DLGAP2: variants seen among roughly 807,000 people sequenced by gnomAD.
DLGAP2 encodes DLG associated protein 2.
A neutral mutation model predicts 100.3 loss-of-function variants in DLGAP2; 26 were observed. The observed-to-expected ratio is 0.26, with a 90% CI of 0.19 to 0.36. The LOEUF (loss-of-function observed/expected upper bound fraction) is 0.36, where lower values mean the gene tolerates loss of function less well. Among genes scored for constraint, DLGAP2 ranks in the 10% least tolerant of loss-of-function variants. DLGAP2 has a pLI of 1.00. For missense variants in DLGAP2, 1,858 were observed against 1,453.2 expected (o/e 1.28, Z -4.53); for synonymous variants, 886 against 630.1 (o/e 1.41, Z -6.08).
At chr8:1,606,611 A>C (rs1796808575) in intron 6 of DLGAP2, among the ~76,000 whole-genome samples, 1 of 152,222 alleles carries the variant, frequency 6.6e-6, no homozygotes, top group African/African-American at 2.4e-5. Context: ...CAGTTTATTT[A>C]CCCATCCATC....
chr8:1,019,555 C>T (rs1484581165), intron 2 of DLGAP2: 1 of 151,990 alleles, frequency 6.6e-6, no homozygotes, highest in African/African-American at 2.4e-5. Flanking sequence ...CTGTCGTCAT[C>T]TGGTGGTGGA....
chr8:962,991 G>T (rs955399262), intron 2 of DLGAP2, among the ~76,000 whole-genome samples: 1 of 152,218 alleles, frequency 6.6e-6, no homozygotes, highest in African/African-American at 2.4e-5. Flanking sequence ...GATGGGAAAA[G>T]TGTGGGAATG....
intron 3 of DLGAP2, among the ~76,000 whole-genome samples, chr8:1,376,343 C>G (rs1802387290): frequency 6.6e-6 from 1 of 152,260 alleles, no homozygotes. Context: ...CTGTGCACCG[C>G]AGTCCCTCTA....
chr8:860,017 A>G (rs1051401548), intron 1 of DLGAP2, among the ~76,000 whole-genome samples: 3 of 152,176 alleles, frequency 2.0e-5, no homozygotes, highest in Non-Finnish European at 4.4e-5. Flanking sequence ...GATTAAAGTT[A>G]CTGCTAATTA....
intron 1 of DLGAP2, among the ~76,000 whole-genome samples, chr8:759,490 G>A (rs1027406726): frequency 5.3e-5 from 8 of 151,912 alleles, no homozygotes; most frequent in South Asian, 4.2e-4. Flanking sequence ...CGGAGTCCAC[G>A]GTTGACGTGG....
chr8:934,717 G>A (rs1799030841), intron 2 of DLGAP2, among the ~76,000 whole-genome samples: 1 of 152,070 alleles, frequency 6.6e-6, no homozygotes, highest in Admixed American at 6.5e-5. Flanking sequence ...TCAGGGAGGC[G>A]GTGGACCCCA....
chr8:1,564,267 A>C (rs1003907007), intron 5 of DLGAP2, among the ~76,000 whole-genome samples: 23 of 152,288 alleles, frequency 1.5e-4, no homozygotes, highest in African/African-American at 4.8e-4. Flanking sequence ...AGCTCCCGCA[A>C]TGGAAACCAT....
chr8:1,162,363 C>G (rs764086299), intron 2 of DLGAP2, among the ~76,000 whole-genome samples: 3 of 152,308 alleles, frequency 2.0e-5, no homozygotes, highest in South Asian at 2.1e-4. Flanking sequence ...ACAACACACA[C>G]TGGTGGTGGA....
At chr8:873,588 T>G (rs1018339574) in intron 1 of DLGAP2, among the ~76,000 whole-genome samples, 1 of 152,212 alleles carries the variant, frequency 6.6e-6, no homozygotes, top group African/African-American at 2.4e-5. Flanking sequence ...AATATTTTGT[T>G]GAGGATTTTT....
At chr8:924,448 C>G (rs1798772740) in intron 2 of DLGAP2, among the ~76,000 whole-genome samples, 1 of 152,068 alleles carries the variant, frequency 6.6e-6, no homozygotes, top group African/African-American at 2.4e-5. Context: ...TGTGTGGTGA[C>G]TGTTAGGGCA....
intron 8 of DLGAP2, among the ~76,000 whole-genome samples, 171 bp from the exon 9 acceptor site, chr8:1,668,158 A>G (rs564829774): frequency 6.6e-6 from 1 of 152,324 alleles, no homozygotes; most frequent in African/African-American, 2.4e-5. Context: ...TGTTACAGGT[A>G]TATTCATGTG....
At chr8:1,321,321 CGTGT>C (rs533019559) in intron 3 of DLGAP2, among the ~76,000 whole-genome samples, 62 of 150,764 alleles carry the variant, frequency 4.1e-4, no homozygotes, top group African/African-American at 1.4e-3. Flanking sequence ...TCTGCGTGTG[CGTGT>C]GTGTCTGTGT....
intron 2 of DLGAP2, among the ~76,000 whole-genome samples, chr8:1,196,115 G>T (rs936070544): frequency 1.3e-5 from 2 of 152,134 alleles, no homozygotes; most frequent in Admixed American, 1.3e-4. Flanking sequence ...CCAGGGCCCC[G>T]TCACATTTTT....
chr8:886,354 T>C (rs1371954090), intron 1 of DLGAP2, among the ~76,000 whole-genome samples: 4 of 152,280 alleles, frequency 2.6e-5, no homozygotes, highest in African/African-American at 9.6e-5. Context: ...TTTCGGACCA[T>C]TTTTCATCTA....
chr8:1,566,762 A>G (rs149093059), intron 6 of DLGAP2, among the ~76,000 whole-genome samples: 30 of 152,380 alleles, frequency 2.0e-4, no homozygotes, highest in African/African-American at 6.5e-4. Flanking sequence ...CAGTGACCAT[A>G]TAACCTCTTC....
In DLGAP2 at chr8:1,180,194, A is replaced by G. The variant is rs77668815; in HGVS notation, c.74-78657A>G. On this transcript the variant is annotated intron_variant, in intron 2 of 14. Coordinates refer to ENST00000637795, the MANE Select transcript of DLGAP2 (RefSeq NM_001346810.2). ...TTACACTTTTTTCTGATAAAGCCAG[A>G]TTTGTTTTTTAATTGACTTATAACT... 4.1e-4 allele frequency among the ~76,000 whole-genome samples: 62 copies of G among 151,764 alleles called. 1 individual carries two copies. In the East Asian group the frequency reaches 7.9e-3, roughly 19 times the overall value.
At chr8:1,197,698 GTCAATGTGGAGCATCTGGGCCA>G (rs1797782219) in intron 2 of DLGAP2, among the ~76,000 whole-genome samples, 2 of 65,736 alleles carry the variant, frequency 3.0e-5, no homozygotes, top group East Asian at 4.7e-4. Flanking sequence ...CCTGAGCCAC[GTCAATGTGGAGCATCTGGGCCA>G]CCAGCTGTCC....
intron 1 of DLGAP2, among the ~76,000 whole-genome samples, chr8:838,598 T>C (rs1205384818): frequency 6.6e-6 from 1 of 152,136 alleles, no homozygotes; most frequent in Non-Finnish European, 1.5e-5. Flanking sequence ...CTTTCTAGCT[T>C]GGACAAGTGC....
chr8:1,698,037 C>T (rs754786478), intron 14 of DLGAP2, among the ~76,000 whole-genome samples: 1 of 152,216 alleles, frequency 6.6e-6, no homozygotes, highest in Non-Finnish European at 1.5e-5. Context: ...ATCAAGTCAG[C>T]ATCCTTTGGG....
Sources: gnomAD v4.1 joint callset for allele counts (sites outside exome capture counted in the v4.1 genomes callset) on GRCh38, gnomAD v4.1.1 for gene constraint, MANE v1.5 for transcripts, NCBI Gene and HGNC (gene_info 2026-07-23, HGNC 2026-07-21) for gene names.